MMP26: variants seen among roughly 807,000 people sequenced by gnomAD.
MMP26 encodes matrix metallopeptidase 26.
MMP26 carries 33 observed loss-of-function variants against 31.0 expected under a neutral mutation model. That is an observed-to-expected ratio of 1.06 (90% CI 0.81 to 1.42). The LOEUF (loss-of-function observed/expected upper bound fraction) is 1.42, where lower values mean the gene tolerates loss of function less well. Ranked by LOEUF, MMP26 falls within the 40% of genes most tolerant of loss-of-function variation. MMP26 has a pLI of 0.00. For missense variants in MMP26, 347 were observed against 316.1 expected (o/e 1.10, Z -0.74); for synonymous variants, 122 against 114.9 (o/e 1.06, Z -0.40).
chr11:4,829,306 A>G (rs1849615956), intron 2 of MMP26, among the ~76,000 whole-genome samples: 1 of 152,076 alleles, frequency 6.6e-6, no homozygotes, highest in Admixed American at 6.6e-5. Flanking sequence ...TGCCTGTCCT[A>G]ACTGATTACT....
intron 1 of MMP26, among the ~76,000 whole-genome samples, chr11:4,762,828 A>G (rs1384800342): frequency 6.6e-6 from 1 of 152,210 alleles, no homozygotes; most frequent in Non-Finnish European, 1.5e-5. Flanking sequence ...TGTGTGTTAT[A>G]TAACCAGGAA....
intron 2 of MMP26, among the ~76,000 whole-genome samples, chr11:4,891,666 C>T (rs1850624532): frequency 6.6e-6 from 1 of 152,144 alleles, no homozygotes; most frequent in Admixed American, 6.6e-5. Context: ...GTGAAAACCC[C>T]ACCTTTTTGT....
At chr11:4,723,478 T>G in intron 1 of MMP26, 2 of 1,102,044 alleles carry the variant, frequency 1.8e-6, no homozygotes, top group South Asian at 2.5e-5. Context: ...AATCTGGGAC[T>G]GCAGCTCTGG....
At chr11:4,755,406 G>A (rs1848493912) in intron 1 of MMP26, among the ~76,000 whole-genome samples, 1 of 151,956 alleles carries the variant, frequency 6.6e-6, no homozygotes, top group Non-Finnish European at 1.5e-5. Flanking sequence ...TCTATACTAA[G>A]GAATGTGGAG....
At chr11:4,936,308 G>T (rs1216993816) in intron 2 of MMP26, among the ~76,000 whole-genome samples, 1 of 151,362 alleles carries the variant, frequency 6.6e-6, no homozygotes, top group African/African-American at 2.4e-5. Context: ...AGTCTTGGGA[G>T]AGTGTATGTG....
At chr11:4,809,213 G>A (rs1849317883) in intron 2 of MMP26, among the ~76,000 whole-genome samples, 1 of 152,114 alleles carries the variant, frequency 6.6e-6, no homozygotes, top group African/African-American at 2.4e-5. Context: ...TATGAACATA[G>A]TACATACTGA....
At chr11:4,965,728 G>T (rs548046384) in intron 2 of MMP26, among the ~76,000 whole-genome samples, 2 of 152,122 alleles carry the variant, frequency 1.3e-5, no homozygotes, top group Non-Finnish European at 2.9e-5. Context: ...TTACAACTCC[G>T]TAAGTTTTAT....
At chr11:4,967,206 A>T (rs1846607837) in intron 2 of MMP26, among the ~76,000 whole-genome samples, 1 of 152,232 alleles carries the variant, frequency 6.6e-6, no homozygotes, top group Non-Finnish European at 1.5e-5. Flanking sequence ...AGAAGAAAGT[A>T]AAAGTGGTAC....
intron 1 of MMP26, among the ~76,000 whole-genome samples, chr11:4,762,036 G>A (rs1472743469): frequency 1.3e-5 from 2 of 151,964 alleles, no homozygotes; most frequent in Admixed American, 6.6e-5. Context: ...TTGATTATCT[G>A]TACAGTGATT....
intron 1 of MMP26, chr11:4,711,361 C>T (rs900701424): frequency 6.6e-6 from 1 of 152,198 alleles, no homozygotes; most frequent in African/African-American, 2.4e-5. Flanking sequence ...TATAAATAGA[C>T]ATATCCCAAA....
chr11:4,966,749 T>G (rs1182731240), intron 2 of MMP26, among the ~76,000 whole-genome samples: 1 of 152,306 alleles, frequency 6.6e-6, no homozygotes, highest in Non-Finnish European at 1.5e-5. Context: ...TTTTGTTCAT[T>G]AAGGACAAGC....
chr11:4,971,392 A>G (rs1281429357), intron 2 of MMP26, among the ~76,000 whole-genome samples: 1 of 152,214 alleles, frequency 6.6e-6, no homozygotes, highest in African/African-American at 2.4e-5. Flanking sequence ...CCAGTGATAC[A>G]TGTGATCCTG....
rs139918134 is a variant in MMP26 at position 4,878,407 on chromosome 11, G to A, written c.-144-109661G>A. Among the ~76,000 whole-genome samples, 722 of 152,090 alleles carry A rather than the reference G, an allele frequency of 4.7e-3. 7 individuals are homozygous for A. Among genetic ancestry groups the A allele is most frequent in the African/African-American group, 0.015 (615 of 41,482 alleles). On this transcript the variant is annotated intron_variant, in intron 2 of 7. Transcript: ENST00000380390. Reference sequence around the variant, plus strand: ...TATAACATAAGGTATACATATTTAAGGGGTTGGAATCAGAAAAAATATTAA... The same window carrying A: ...TATAACATAAGGTATACATATTTAAAGGGTTGGAATCAGAAAAAATATTAA...
At chr11:4,719,839 G>C in intron 1 of MMP26, among the ~76,000 whole-genome samples, 1 of 152,210 alleles carries the variant, frequency 6.6e-6, no homozygotes, top group East Asian at 1.9e-4. Flanking sequence ...GTGCAGCTTA[G>C]TTTGCAAATG....
At chr11:4,986,276 A>T (rs1846885672) in intron 2 of MMP26, among the ~76,000 whole-genome samples, 1 of 152,088 alleles carries the variant, frequency 6.6e-6, no homozygotes, top group Non-Finnish European at 1.5e-5. Context: ...ATTGCCTTAT[A>T]ATAAGCCCTC....
chr11:4,912,803 A>G (rs1851011087), intron 2 of MMP26: 1 of 152,156 alleles, frequency 6.6e-6, no homozygotes, highest in South Asian at 2.1e-4. Context: ...GTAAAAAACT[A>G]TAGAATGCTA....
At chr11:4,734,836 A>T (rs1848218019) in intron 1 of MMP26, among the ~76,000 whole-genome samples, 1 of 152,224 alleles carries the variant, frequency 6.6e-6, no homozygotes, top group Non-Finnish European at 1.5e-5. Context: ...ATAGCATCGC[A>T]TAGCATATTT....
intron 2 of MMP26, among the ~76,000 whole-genome samples, chr11:4,829,489 T>C (rs2133479228): frequency 6.6e-6 from 1 of 152,292 alleles, no homozygotes; most frequent in Middle Eastern, 3.4e-3. Context: ...CCTGCACAAC[T>C]TGCCAGCAGA....
rs1458315430 is a variant in MMP26, at chr11:4,935,018, C to T, written c.-144-53050C>T. Among the ~76,000 whole-genome samples, 6 of 150,762 alleles carry T rather than the reference C, an allele frequency of 4.0e-5. No individual in the cohort carries two copies. The East Asian group carries it at 1.2e-3, about 29-fold the overall frequency. ...TTGAAGTCAGGTAGTGTGATGCCTC[C>T]AGCTTTGTTCTTTTGGCTTAGGATT... On this transcript the variant is annotated intron_variant, in intron 2 of 7. Transcript: ENST00000380390.
Sources: allele counts gnomAD v4.1 joint callset (sites outside exome capture counted in the v4.1 genomes callset), GRCh38; gene constraint gnomAD v4.1.1; transcripts MANE v1.5; gene names NCBI Gene and HGNC (gene_info 2026-07-23, HGNC 2026-07-21).